The following RPL31 variants were observed in gnomAD, a reference collection of about 807,000 sequenced individuals.
RPL31 encodes ribosomal protein L31.
For missense variants in RPL31, 95 were observed against 164.0 expected, an observed-to-expected ratio of 0.58 and a Z score of 2.30; for synonymous variants, 51 against 55.0, an observed-to-expected ratio of 0.93 and a Z score of 0.32.
chr2:101,014,213 G>A (rs1165323759), intron 4 of RPL31, among the ~76,000 whole-genome samples: 1 of 151,306 alleles, frequency 6.6e-6, no homozygotes, highest in Non-Finnish European at 1.5e-5. Context: ...TTTTTTTCAA[G>A]GAAGTTTATA....
Position 101,006,669 on chromosome 2 carries a change from A to G in RPL31, c.*288A>G. ...CTAATTCTAAGATAAGCATTTTTCCAGAAACCAGGATGTAGAATCCAGTTG... is the reference window on the plus strand; with the variant it reads ...CTAATTCTAAGATAAGCATTTTTCCGGAAACCAGGATGTAGAATCCAGTTG... On this transcript the variant is annotated 3_prime_UTR_variant, in exon 5 of 5. Coordinates refer to ENST00000264258, the MANE Select transcript of RPL31 (RefSeq NM_000993.5). 1 of 339,808 alleles carries G rather than the reference A, an allele frequency of 2.9e-6. No individual in the cohort carries two copies. 21.0% of individuals were successfully genotyped at this position (339,808 alleles called of 1,614,324 possible).
chr2:101,015,941 T>TA (rs1365848221), intron 4 of RPL31, among the ~76,000 whole-genome samples: 18 of 151,854 alleles, frequency 1.2e-4, no homozygotes, highest in Non-Finnish European at 1.8e-4. Flanking sequence ...ATTAAAGACT[T>TA]AAACGTTAGA....
intron 2 of RPL31, among the ~76,000 whole-genome samples, chr2:101,003,754 A>G (rs767027199): frequency 1.3e-5 from 2 of 152,234 alleles, no homozygotes; most frequent in Non-Finnish European, 2.9e-5. Context: ...GATGAAGTCA[A>G]TAGCATTGAA....
Position 101,006,040 on chromosome 2 carries a change from G to C in RPL31, c.315G>C (p.Leu105Phe). The change falls in exon 4 of 5, where the codon TTG becomes TTC. Residue 105 changes from leucine (L) to phenylalanine (F), a missense_variant. By Grantham distance (22) the Leu-to-Phe change is conservative. Transcript: ENST00000264258. ...ATTCACCAAATAAGCTATATACTTT[G>C]GTTACCTATGTACCTGTTACCACTT... The part of the protein sequence containing the change: ...DEDSPNKLYT[L>F]VTYVPVTTFK... 1 of 1,613,928 alleles carries C rather than the reference G, an allele frequency of 6.2e-7. No individual in the cohort carries two copies. The highest frequency in any genetic ancestry group is 1.3e-5 in the African/African-American group (1 of 75,018).
chr2:101,011,116 G>T (rs895942260), downstream of RPL31: 4 of 1,252,972 alleles, frequency 3.2e-6, no homozygotes, highest in African/African-American at 3.0e-5. Flanking sequence ...GAGCAAGGGG[G>T]TGAGGAATTC....
At chr2:101,017,477 A>G (rs1400468298) in intron 4 of RPL31, among the ~76,000 whole-genome samples, 3 of 152,214 alleles carry the variant, frequency 2.0e-5, no homozygotes, top group Admixed American at 2.0e-4. Flanking sequence ...TGGTGTTTAC[A>G]ATGGCTAAGA....
At chr2:101,017,990 T>C (rs1391715780) in intron 4 of RPL31, 1 of 1,485,078 alleles carries the variant, frequency 6.7e-7, no homozygotes, top group East Asian at 2.5e-5. Context: ...ACGGTTCCAA[T>C]GCTCGCAATT....
intron 3 of RPL31, chr2:101,005,591 CA>C: frequency 4.4e-6 from 1 of 225,080 alleles, no homozygotes; most frequent in South Asian, 5.9e-5. Context: ...GTTACAGGGG[CA>C]AGCCACCATG....
intron 4 of RPL31, among the ~76,000 whole-genome samples, chr2:101,015,529 C>A (rs1679563639): frequency 6.6e-6 from 1 of 152,164 alleles, no homozygotes; most frequent in Non-Finnish European, 1.5e-5. Flanking sequence ...ACACATTGTA[C>A]AGCTGTGAAA....
In RPL31 at chr2:101,006,501, C is replaced by A; in HGVS notation, c.*120C>A. 7.9e-6 allele frequency: 8 copies of A among 1,008,232 alleles called. No individual in the cohort carries two copies. The highest frequency in any genetic ancestry group is 1.6e-5 in the African/African-American group (1 of 60,816). 62.5% of individuals were successfully genotyped at this position (1,008,232 alleles called of 1,614,324 possible). Reference sequence around the variant, plus strand: ...TTATGGGATCATTTGAAGAGCTTTTCCCAAATTGATGGCCTGTGCTGCCTT... The same window carrying A: ...TTATGGGATCATTTGAAGAGCTTTTACCAAATTGATGGCCTGTGCTGCCTT... On this transcript the variant is annotated 3_prime_UTR_variant, in exon 5 of 5. Transcript: ENST00000264258.
chr2:101,017,359 C>A (rs1026161194), intron 4 of RPL31, among the ~76,000 whole-genome samples: 1 of 152,092 alleles, frequency 6.6e-6, no homozygotes, highest in African/African-American at 2.4e-5. Flanking sequence ...ATTATCATTA[C>A]CCAGTATTAG....
intron 3 of RPL31, 39 bp from the exon 4 acceptor site, chr2:101,005,920 G>A (rs746581279): frequency 1.4e-5 from 22 of 1,545,718 alleles, no homozygotes; most frequent in Non-Finnish European, 1.7e-5. Flanking sequence ...TGGTTGAAAG[G>A]AGGCATTGAC....
At chr2:101,008,135 AGCTGCTGCCTC>A (rs1678881353), downstream of RPL31, 1 of 1,613,834 alleles carries the variant, frequency 6.2e-7, no homozygotes, top group Non-Finnish European at 8.5e-7. Context: ...CAGCTTCCAG[AGCTGCTGCCTC>A]GCTGCCCCAC....
chr2:101,011,166 T>A, downstream of RPL31: 1 of 827,622 alleles, frequency 1.2e-6, no homozygotes, highest in Non-Finnish European at 1.9e-6. Context: ...AGCAAGAGAT[T>A]CCCCTGGAGA....
At chr2:101,011,313 G>A, downstream of RPL31, 1 of 922,872 alleles carries the variant, frequency 1.1e-6, no homozygotes, top group Non-Finnish European at 1.7e-6. Context: ...GTCCTCTAAA[G>A]GCAGTGAGTT....
At chr2:101,004,314 CT>C in intron 3 of RPL31, 31 bp downstream of exon 3, 1 of 1,611,690 alleles carries the variant, frequency 6.2e-7, no homozygotes, top group Non-Finnish European at 8.5e-7. Context: ...CGAAGGTGAA[CT>C]TTTGCAATGA....
intron 4 of RPL31, among the ~76,000 whole-genome samples, chr2:101,013,483 T>G (rs1243384565): frequency 1.3e-5 from 2 of 152,256 alleles, no homozygotes; most frequent in African/African-American, 4.8e-5. Context: ...GTGTTCATTG[T>G]GTCTCACTTC....
intron 1 of RPL31, 118 bp downstream of exon 1, chr2:101,002,433 G>C: frequency 4.1e-6 from 2 of 486,376 alleles, no homozygotes; most frequent in Non-Finnish European, 7.5e-6. Context: ...GTTGTGGGGA[G>C]ATGGGAATAC....
downstream of RPL31, chr2:101,011,428 C>A (rs1558966171): frequency 1.9e-6 from 3 of 1,613,048 alleles, no homozygotes; most frequent in Non-Finnish European, 1.7e-6. Context: ...CAGGGGAAAG[C>A]AACAATGAAA....
Sources: allele counts gnomAD v4.1 joint callset (sites outside exome capture counted in the v4.1 genomes callset), GRCh38; gene constraint gnomAD v4.1.1; transcripts MANE v1.5; gene names NCBI Gene and HGNC (gene_info 2026-07-23, HGNC 2026-07-21).